The following BRCA1 variants were observed in gnomAD, a reference collection of about 807,000 sequenced individuals.
BRCA1 encodes the protein breast cancer type 1 susceptibility protein.
Under a neutral mutation model 173.7 loss-of-function variants are expected in BRCA1, and 140 were observed. The observed-to-expected ratio is 0.81, with a 90% CI of 0.70 to 0.93. The LOEUF (loss-of-function observed/expected upper bound fraction) is 0.93, where lower values mean the gene tolerates loss of function less well. BRCA1 is among the 40% of genes least tolerant of loss of function. The pLI is 0.00. For synonymous variants in BRCA1, 662 were observed against 756.0 expected (o/e 0.88, Z 2.04); for missense variants, 1,983 against 2,172.5 (o/e 0.91, Z 1.73).
intron 1 of BRCA1, chr17:43,124,604 C>T (rs2055779359): frequency 5.7e-6 from 1 of 175,880 alleles, no homozygotes; most frequent in Admixed American, 5.7e-5. Context: ...CTCTACTTCC[C>T]TCTTGCGCTT....
At chr17:43,153,106 T>G (rs1169824596) in intron 1 of BRCA1, among the ~76,000 whole-genome samples, 1 of 152,160 alleles carries the variant, frequency 6.6e-6, no homozygotes, top group African/African-American at 2.4e-5. Context: ...GAAGGATTAC[T>G]TCTGGATTTA....
At chr17:43,116,918 A>G (rs2055323069) in intron 2 of BRCA1, among the ~76,000 whole-genome samples, 1 of 152,066 alleles carries the variant, frequency 6.6e-6, no homozygotes. Flanking sequence ...CCCATTCTGG[A>G]TTTTGCTGAT....
rs1403716539 is a variant in BRCA1, at chr17:43,165,451, A to C, written c.-20+4675T>G. ...CTTACAATTCTTTTACCAAAGATATATTTTACTTTTCTTATACACCTTGCA... is the reference window on the plus strand; with the variant it reads ...CTTACAATTCTTTTACCAAAGATATCTTTTACTTTTCTTATACACCTTGCA... On this transcript the variant is annotated intron_variant, in intron 1 of 7. Coordinates refer to the BRCA1 transcript ENST00000634433. Among the ~76,000 whole-genome samples, 6 of 150,402 alleles carry C rather than the reference A, an allele frequency of 4.0e-5. No homozygotes were observed. In the East Asian group the frequency reaches 1.2e-3, roughly 29 times the overall value.
intron 1 of BRCA1, among the ~76,000 whole-genome samples, chr17:43,141,401 C>T (rs1474491747): frequency 6.6e-6 from 1 of 151,796 alleles, no homozygotes; most frequent in Non-Finnish European, 1.5e-5. Context: ...AGCCCTAGAG[C>T]TTGAGGCTGC....
At chr17:43,078,364 C>T (rs2052838428) in intron 12 of BRCA1, among the ~76,000 whole-genome samples, 1 of 152,170 alleles carries the variant, frequency 6.6e-6, no homozygotes, top group Non-Finnish European at 1.5e-5. Flanking sequence ...GGATTATAGG[C>T]ATGAGCCACC....
At chr17:43,058,399 T>A (rs8176278) in intron 18 of BRCA1, among the ~76,000 whole-genome samples, 15 of 149,984 alleles carry the variant, frequency 1.0e-4, no homozygotes, top group African/African-American at 3.4e-4. Flanking sequence ...CACACACACA[T>A]AAAACAAAAA....
intron 1 of BRCA1, chr17:43,164,884 A>G (rs2056257604): frequency 6.6e-6 from 1 of 152,218 alleles, no homozygotes; most frequent in Non-Finnish European, 1.5e-5. Flanking sequence ...AACCAAGCAT[A>G]TAATTCTAAG....
intron 18 of BRCA1, among the ~76,000 whole-genome samples, chr17:43,062,841 C>G (rs1220422288): frequency 1.3e-5 from 2 of 152,122 alleles, no homozygotes; most frequent in Non-Finnish European, 2.9e-5. Flanking sequence ...AGGCAATCTG[C>G]CTGTCTTGGC....
chr17:43,057,161 C>T (rs761683937), intron 18 of BRCA1, 26 bp from the exon 19 acceptor site: 5 of 1,607,954 alleles, frequency 3.1e-6, no homozygotes, highest in Non-Finnish European at 3.4e-6. Context: ...CACAACCCAT[C>T]AGGATAAGAG....
intron 9 of BRCA1, 62 bp downstream of exon 9, chr17:43,095,784 A>G: frequency 7.6e-7 from 1 of 1,316,354 alleles, no homozygotes. Context: ...TAATCTAATT[A>G]CAGTACTGTA....
chr17:43,145,261 C>G, intron 1 of BRCA1: 1 of 675,828 alleles, frequency 1.5e-6, no homozygotes, highest in East Asian at 3.3e-5. Context: ...CTGATGAATA[C>G]CATAGACCAT....
chr17:43,072,284 G>C lies in BRCA1; in HGVS notation c.4676-1046C>G, dbSNP rs532733264. On this transcript the variant is annotated intron_variant, in intron 14 of 22. Transcript: ENST00000357654. ...CATGCCTGTAATCCCAGCTACTGGG[G>C]AGGCTGAAGCAGGAGAATCGCTCGA... Among the ~76,000 whole-genome samples the C allele has an allele frequency of 7.2e-5, 11 of 151,932 alleles. No individual in the cohort carries two copies. The South Asian group carries it at 8.3e-4, about 11-fold the overall frequency.
At chr17:43,100,678 A>ATAT (rs1491277616) in intron 6 of BRCA1, among the ~76,000 whole-genome samples, 32 of 36,246 alleles carry the variant, frequency 8.8e-4, no homozygotes, top group East Asian at 3.7e-3. Flanking sequence ...ATATATATAT[A>ATAT]ATATATATAT....
rs369230215 is a variant in BRCA1, at chr17:43,113,089, C to G, written c.134+2637G>C. Among the ~76,000 whole-genome samples, 4 of 152,324 alleles carry G rather than the reference C, an allele frequency of 2.6e-5. No homozygotes were observed. The East Asian group carries it at 5.8e-4, about 22-fold the overall frequency. On this transcript the variant is annotated intron_variant, in intron 3 of 22. Coordinates refer to ENST00000357654, the MANE Select transcript of BRCA1 (RefSeq NM_007294.4). ...AAGTGCTAGGATTAGAGGCGTGAGC[C>G]ACCGTGCCCGGCCTCAACAGCTGTC...
intron 18 of BRCA1, among the ~76,000 whole-genome samples, chr17:43,058,954 G>A (rs1048755273): frequency 2.6e-5 from 4 of 152,158 alleles, no homozygotes; most frequent in African/African-American, 9.7e-5. Flanking sequence ...GTGTTGCCAA[G>A]AGTATTGTGA....
intron 3 of BRCA1, among the ~76,000 whole-genome samples, chr17:43,114,023 C>T (rs61651289): frequency 2.0e-5 from 3 of 150,494 alleles, no homozygotes; most frequent in Non-Finnish European, 3.0e-5. Flanking sequence ...TGCAGTGAGC[C>T]GAGATCACAC....
intron 22 of BRCA1, among the ~76,000 whole-genome samples, chr17:43,046,939 T>G (rs1015906997): frequency 3.3e-5 from 5 of 152,050 alleles, no homozygotes; most frequent in Admixed American, 2.0e-4. Context: ...TGGAAAAATG[T>G]ATGTAATATC....
Position 43,092,540 on chromosome 17 carries a change from A to ATT in BRCA1, c.2989_2990dup (p.Asn997LysfsTer4), listed in dbSNP as rs80357829. 6.2e-7 allele frequency: 1 copy of ATT among 1,613,914 alleles called. No individual in the cohort carries two copies. Among genetic ancestry groups the ATT allele is most frequent in the Non-Finnish European group, 8.5e-7 (1 of 1,179,974 alleles). ...GTTCCTCAAAGTTTTCCTCTAGCAG[A>ATT]TTTTTCTTACATTTAGTTTTAACAA... On this transcript the variant is annotated frameshift_variant, in exon 10 of 23. Transcript: ENST00000357654. LOFTEE classifies it high-confidence loss of function.
At chr17:43,100,412 G>A (rs2054333720) in intron 6 of BRCA1, among the ~76,000 whole-genome samples, 1 of 148,114 alleles carries the variant, frequency 6.8e-6, no homozygotes, top group Admixed American at 7.0e-5. Flanking sequence ...CGCAATCTCA[G>A]CTCACTGCAA....
Sources: gnomAD v4.1 joint callset for allele counts (sites outside exome capture counted in the v4.1 genomes callset) on GRCh38, gnomAD v4.1.1 for gene constraint, MANE v1.5 for transcripts, NCBI Gene and HGNC (gene_info 2026-07-23, HGNC 2026-07-21) for gene names.